Variants in MZT1 observed in about 807,000 individuals in gnomAD.
The protein encoded by MZT1 is mitotic spindle organizing protein 1.
MZT1 carries 8 observed loss-of-function variants against 8.5 expected under a neutral mutation model. The ratio of observed to expected loss-of-function variants is 0.94; its 90% CI spans 0.55 to 1.70. The LOEUF (loss-of-function observed/expected upper bound fraction) is 1.70. Among genes scored for constraint, MZT1 ranks in the 40% most tolerant of loss-of-function variants. The pLI, the probability that MZT1 is intolerant of heterozygous loss-of-function variation, is 0.00. For synonymous variants in MZT1, 38 were observed against 42.0 expected (o/e 0.90, Z 0.37); for missense variants, 93 against 108.6 (o/e 0.86, Z 0.64).
Position 72,709,584 on chromosome 13 carries a change from T to C in MZT1, c.*738A>G, listed in dbSNP as rs2032467016. On this transcript the variant is annotated 3_prime_UTR_variant, in exon 3 of 3. Coordinates refer to ENST00000377818, the MANE Select transcript of MZT1 (RefSeq NM_001071775.3). Reference sequence around the variant, plus strand: ...ATTCTCAACTAACATTCTCATTAGATGTAAATGATTCAAATTACAAATAAT... The same window carrying C: ...ATTCTCAACTAACATTCTCATTAGACGTAAATGATTCAAATTACAAATAAT... The C allele has an allele frequency of 6.6e-6, 1 of 152,104 alleles. No individual in the cohort carries two copies. Among genetic ancestry groups the C allele is most frequent in the African/African-American group, 2.4e-5 (1 of 41,462 alleles). 9.4% of individuals were successfully genotyped at this position (152,104 alleles called of 1,614,324 possible). A position where few individuals can be genotyped will look rare whatever the true frequency, so the allele number is the denominator to read the frequency against.
At chr13:72,725,290 G>A (rs959260184) in intron 1 of MZT1, among the ~76,000 whole-genome samples, 1 of 152,078 alleles carries the variant, frequency 6.6e-6, no homozygotes, top group South Asian at 2.1e-4. Context: ...TAGAATTTTA[G>A]GGATATAAGG....
rs111467728 is a variant in MZT1, at chr13:72,718,959, G to A, written c.218C>T (p.Ala73Val). Residue 73 changes from alanine to valine, a missense_variant, in exon 2 of 3, where the codon GCA becomes GTA. Coordinates refer to ENST00000377818, the MANE Select transcript of MZT1 (RefSeq NM_001071775.3). ...CTAATAGGAATCTCCAACCTTCAGT[G>A]CTTCAGTAGCCTTGCGAAGCTCCTT... ...VIKELRKATE[A>V]LKAAENMTS is the part of the protein sequence containing the mutation. The A allele has an allele frequency of 6.4e-7, 1 of 1,561,932 alleles. No individual in the cohort carries two copies. The highest frequency in any genetic ancestry group is 1.4e-5 in the African/African-American group (1 of 71,320).
At chr13:72,713,021 T>C (rs1301159494) in intron 2 of MZT1, among the ~76,000 whole-genome samples, 1 of 152,214 alleles carries the variant, frequency 6.6e-6, no homozygotes, top group East Asian at 1.9e-4. Context: ...GTGCCCATGC[T>C]AAAGCCCAAG....
rs2032473487 is a variant in MZT1, at chr13:72,710,065, T to C, written c.*257A>G. The C allele has an allele frequency of 2.2e-6, 1 of 463,852 alleles. No homozygotes were observed. The highest frequency in any genetic ancestry group is 3.8e-6 in the Non-Finnish European group (1 of 260,532). 28.7% of individuals were successfully genotyped at this position (463,852 alleles called of 1,614,324 possible). A position where few individuals can be genotyped will look rare whatever the true frequency, so the allele number is the denominator to read the frequency against. On this transcript the variant is annotated 3_prime_UTR_variant, in exon 3 of 3. Coordinates refer to ENST00000377818, the MANE Select transcript of MZT1 (RefSeq NM_001071775.3). Reference sequence around the variant, plus strand: ...ATCAGAGCTATAAATAAGGAATACATAAATATGAACATAGCAATGCCAAAG... The same window carrying C: ...ATCAGAGCTATAAATAAGGAATACACAAATATGAACATAGCAATGCCAAAG...
At position 72,719,025 on chromosome 13, in the gene MZT1, CA is replaced by C; in HGVS notation, c.151del (p.Cys51ValfsTer24). 1.9e-6 allele frequency: 3 copies of C among 1,586,862 alleles called. No homozygotes were observed. The highest frequency in any genetic ancestry group is 2.6e-6 in the Non-Finnish European group (3 of 1,169,558). ...METLSICVRL[C>X]EQGINPEALS... ...AGCTTCTGGGTTAATTCCTTGTTCACAAAGCCGTACACAAATAGACAGAGTT... is the reference window on the plus strand; with the variant it reads ...AGCTTCTGGGTTAATTCCTTGTTCACAAGCCGTACACAAATAGACAGAGTT... On this transcript the variant is annotated frameshift_variant, in exon 2 of 3. Coordinates refer to ENST00000377818, the MANE Select transcript of MZT1 (RefSeq NM_001071775.3). LOFTEE classifies it high-confidence loss of function.
rs1486482612 is a variant in MZT1, at chr13:72,708,678, A to G, written c.*1644T>C. The G allele has an allele frequency of 6.6e-6, 1 of 152,210 alleles. No individual in the cohort carries two copies. Among genetic ancestry groups the G allele is most frequent in the Non-Finnish European group, 1.5e-5 (1 of 68,018 alleles). The allele number at this position is 152,210 out of a possible 1,614,324, so 9.4% of individuals were successfully genotyped here. On this transcript the variant is annotated 3_prime_UTR_variant, in exon 3 of 3. Transcript: ENST00000377818. ...CTTTATGATTTTATAAATAACACAT[A>G]GTATTTGTAGTGTTGATTATAAATC...
At position 72,709,432 on chromosome 13, in the gene MZT1, GATTT is replaced by G. The variant is rs1340240637; in HGVS notation, c.*886_*889del. The G allele has an allele frequency of 2.0e-5, 3 of 151,808 alleles. No homozygotes were observed. Among genetic ancestry groups the G allele is most frequent in the African/African-American group, 7.3e-5 (3 of 41,370 alleles). 9.4% of individuals were successfully genotyped at this position (151,808 alleles called of 1,614,324 possible). On this transcript the variant is annotated 3_prime_UTR_variant, in exon 3 of 3. Transcript: ENST00000377818. ...AATAATTTATTAAATAACCATTCAA[GATTT>G]ATTAGGTAAGCACTAAAATTACTTT... is the stretch of plus-strand genomic sequence containing the variant.
intron 2 of MZT1, among the ~76,000 whole-genome samples, chr13:72,710,610 T>C (rs2032479631): frequency 6.6e-6 from 1 of 152,170 alleles, no homozygotes; most frequent in Non-Finnish European, 1.5e-5. Flanking sequence ...AACATACTGC[T>C]ACTTGAAACA....
intron 1 of MZT1, among the ~76,000 whole-genome samples, chr13:72,725,132 G>A (rs575166048): frequency 8.9e-4 from 134 of 151,062 alleles, no homozygotes; most frequent in African/African-American, 2.8e-3. Context: ...TGCACAGGAC[G>A]ATTTTAGAGG....
intron 2 of MZT1, among the ~76,000 whole-genome samples, chr13:72,715,302 C>A (rs1433825797): frequency 6.6e-6 from 1 of 152,152 alleles, no homozygotes; most frequent in Non-Finnish European, 1.5e-5. Flanking sequence ...GGAATGTTTA[C>A]CCAATGTCTA....
At chr13:72,724,717 T>TATATATATATATATATATATATAC (rs1171239055) in intron 1 of MZT1, among the ~76,000 whole-genome samples, 1 of 46,396 alleles carries the variant, frequency 2.2e-5, no homozygotes, top group African/African-American at 4.8e-5. Context: ...TATATATATA[T>TATATATATATATATATATATATAC]ACATATATAT....
At position 72,708,885 on chromosome 13, in the gene MZT1, C is replaced by T. The variant is rs953410659; in HGVS notation, c.*1437G>A. On this transcript the variant is annotated 3_prime_UTR_variant, in exon 3 of 3. Coordinates refer to ENST00000377818, the MANE Select transcript of MZT1 (RefSeq NM_001071775.3). ...TAAATATTACCAAATCTTAATAAAACCACTTCAGCTTGTCTGAAAAACAAA... is the reference window on the plus strand; with the variant it reads ...TAAATATTACCAAATCTTAATAAAATCACTTCAGCTTGTCTGAAAAACAAA... 2 of 148,954 alleles carry T rather than the reference C, an allele frequency of 1.3e-5. No individual in the cohort carries two copies. Among genetic ancestry groups the T allele is most frequent in the Non-Finnish European group, 3.0e-5 (2 of 67,354 alleles). 9.2% of individuals were successfully genotyped at this position (148,954 alleles called of 1,614,324 possible).
chr13:72,715,008 T>C (rs2032521071), intron 2 of MZT1, among the ~76,000 whole-genome samples: 1 of 152,158 alleles, frequency 6.6e-6, no homozygotes, highest in Non-Finnish European at 1.5e-5. Flanking sequence ...CCCAGAATGG[T>C]AGATCCACTG....
rs1257943966 is a variant in MZT1, at chr13:72,709,233, C to G, written c.*1089G>C. Reference sequence around the variant, plus strand: ...CATACTTGAGATTCCTAATATAGAACATTTGATTGTTTAGTTTTGTTTAAT... The same window carrying G: ...CATACTTGAGATTCCTAATATAGAAGATTTGATTGTTTAGTTTTGTTTAAT... On this transcript the variant is annotated 3_prime_UTR_variant, in exon 3 of 3. Coordinates refer to ENST00000377818, the MANE Select transcript of MZT1 (RefSeq NM_001071775.3). 1 of 151,612 alleles carries G rather than the reference C, an allele frequency of 6.6e-6. No homozygotes were observed. The highest frequency in any genetic ancestry group is 1.5e-5 in the Non-Finnish European group (1 of 67,850). The allele number at this position is 151,612 out of a possible 1,614,324, so 9.4% of individuals were successfully genotyped here.
chr13:72,726,758 A>AC (rs1440428436), intron 1 of MZT1, among the ~76,000 whole-genome samples: 1 of 151,542 alleles, frequency 6.6e-6, no homozygotes, highest in African/African-American at 2.4e-5. Context: ...AAAAAAAAAA[A>AC]AAAACTAAAC....
chr13:72,718,614 A>T (rs2032561272), intron 2 of MZT1, among the ~76,000 whole-genome samples: 1 of 151,966 alleles, frequency 6.6e-6, no homozygotes, highest in African/African-American at 2.4e-5. Context: ...AGTAGCTGGG[A>T]CTACAGGTGC....
chr13:72,708,626 C>T lies in MZT1; in HGVS notation c.*1696G>A, dbSNP rs972821154. On this transcript the variant is annotated 3_prime_UTR_variant, in exon 3 of 3. Coordinates refer to ENST00000377818, the MANE Select transcript of MZT1 (RefSeq NM_001071775.3). ...AACTCTTATGGCCTGGAAGTATATA[C>T]AAATTTTGGAGTCTGACAAAAGTGT... is the stretch of plus-strand genomic sequence containing the variant. The T allele has an allele frequency of 6.6e-6, 1 of 152,226 alleles. No individual in the cohort carries two copies. Among genetic ancestry groups the T allele is most frequent in the Non-Finnish European group, 1.5e-5 (1 of 67,988 alleles). The allele number at this position is 152,226 out of a possible 1,614,324, so 9.4% of individuals were successfully genotyped here. A position where few individuals can be genotyped will look rare whatever the true frequency, so the allele number is the denominator to read the frequency against.
chr13:72,721,713 T>C lies in MZT1; in HGVS notation c.80-2616A>G, dbSNP rs78447921. Among the ~76,000 whole-genome samples, 75 of 152,344 alleles carry C rather than the reference T, an allele frequency of 4.9e-4. No homozygotes were observed. The East Asian group carries it at 0.013, about 26-fold the overall frequency. ...AATCACTTTGCTTGTTTCCTGTCTC[T>C]AAGGGATCACTGTACTCTGATGCCT... On this transcript the variant is annotated intron_variant, in intron 1 of 2. Coordinates refer to ENST00000377818, the MANE Select transcript of MZT1 (RefSeq NM_001071775.3).
chr13:72,719,188 A>G (rs942313248), intron 1 of MZT1, 91 bp from the exon 2 acceptor site: 9 of 1,019,742 alleles, frequency 8.8e-6, no homozygotes, highest in Middle Eastern at 2.5e-4. Flanking sequence ...ATATCACTGC[A>G]CAATACCAAG....
Sources: gnomAD v4.1 joint callset for allele counts (sites outside exome capture counted in the v4.1 genomes callset) on GRCh38, gnomAD v4.1.1 for gene constraint, MANE v1.5 for transcripts, NCBI Gene and HGNC (gene_info 2026-07-23, HGNC 2026-07-21) for gene names.